The following FOXO1 variants were observed in gnomAD, a reference collection of about 807,000 sequenced individuals.
FOXO1 encodes the protein forkhead box O1, also known as forkhead box protein O1.
Under a neutral mutation model 44.1 loss-of-function variants are expected in FOXO1, and 6 were observed. The ratio of observed to expected loss-of-function variants is 0.14; its 90% CI spans 0.07 to 0.27. The LOEUF is 0.27. Ranked by LOEUF, FOXO1 falls within the 10% of genes least tolerant of loss-of-function variation. The pLI, the probability that FOXO1 is intolerant of heterozygous loss-of-function variation, is 1.00. For missense variants in FOXO1, 737 were observed against 888.8 expected (o/e 0.83, Z 2.17); for synonymous variants, 380 against 362.7 (o/e 1.05, Z -0.54).
chr13:40,654,450 G>A (rs1264844369), intron 1 of FOXO1, among the ~76,000 whole-genome samples: 2 of 146,976 alleles, frequency 1.4e-5, no homozygotes, highest in African/African-American at 2.5e-5. Context: ...GCAGTGAACC[G>A]AGATGGTGTC....
At chr13:40,567,482 T>G (rs189075551) in intron 1 of FOXO1, among the ~76,000 whole-genome samples, 103 of 152,158 alleles carry the variant, frequency 6.8e-4, no homozygotes, top group Non-Finnish European at 9.7e-4. Flanking sequence ...CAGTTAGGGT[T>G]CAAAGCAAAG....
chr13:40,573,639 T>C (rs140569584), intron 1 of FOXO1, among the ~76,000 whole-genome samples: 64 of 152,344 alleles, frequency 4.2e-4, no homozygotes, highest in African/African-American at 1.3e-3. Context: ...ATGGATGATA[T>C]TGTTGTCATA....
chr13:40,601,039 C>T (rs1052301419), intron 1 of FOXO1, among the ~76,000 whole-genome samples: 3 of 152,136 alleles, frequency 2.0e-5, no homozygotes, highest in African/African-American at 4.8e-5. Context: ...ACTGGTCTGT[C>T]GAAAACCATC....
At chr13:40,606,162 C>T (rs574155384) in intron 1 of FOXO1, among the ~76,000 whole-genome samples, 1 of 152,294 alleles carries the variant, frequency 6.6e-6, no homozygotes, top group South Asian at 2.1e-4. Flanking sequence ...TTAAACCTAT[C>T]AAGTTGACAG....
intron 1 of FOXO1, among the ~76,000 whole-genome samples, chr13:40,603,543 C>T (rs1425915497): frequency 6.6e-6 from 1 of 152,020 alleles, no homozygotes; most frequent in Non-Finnish European, 1.5e-5. Flanking sequence ...GTACAGCAAA[C>T]CTTTGAACCA....
chr13:40,620,665 G>A (rs1439783965), intron 1 of FOXO1, among the ~76,000 whole-genome samples: 2 of 152,096 alleles, frequency 1.3e-5, no homozygotes, highest in African/African-American at 4.8e-5. Flanking sequence ...GCAGGCCCAA[G>A]GAGACAGCAC....
chr13:40,579,350 C>T (rs1874876959), intron 1 of FOXO1, among the ~76,000 whole-genome samples: 1 of 152,196 alleles, frequency 6.6e-6, no homozygotes, highest in Admixed American at 6.5e-5. Flanking sequence ...CCAGACAATC[C>T]ACGCCAGGTC....
In FOXO1 at chr13:40,559,784, G is replaced by A. The variant is rs1224871472; in HGVS notation, c.1707C>T (p.Pro569=). ...KTPVQVPLPH[P]MQMSALGGYS... ...AGCCCCCCAGGGCACTCATCTGCAT[G>A]GGGTGGGGCAGAGGCACTTGTACAG... The change falls in exon 2 of 3, where the codon CCC becomes CCT. Residue 569 remains proline, a synonymous_variant. Transcript: ENST00000379561. 1 of 1,613,652 alleles carries A rather than the reference G, an allele frequency of 6.2e-7. No homozygotes were observed. Among genetic ancestry groups the A allele is most frequent in the African/African-American group, 1.3e-5 (1 of 75,044 alleles).
rs1300805507 is a variant in FOXO1 at position 40,619,806 on chromosome 13, T to C, written c.630+45777A>G. ...CCAGAGCTAGTGCTTCACGCACTAA[T>C]TTCAGTAGTCACACAAACCAGTCGG... On this transcript the variant is annotated intron_variant, in intron 1 of 2. Coordinates refer to ENST00000379561, the MANE Select transcript of FOXO1 (RefSeq NM_002015.4). 6 of 776,238 alleles carry C rather than the reference T, an allele frequency of 7.7e-6. No individual in the cohort carries two copies. In the East Asian group the frequency reaches 1.5e-4, roughly 19 times the overall value. 48.1% of individuals were successfully genotyped at this position (776,238 alleles called of 1,614,324 possible).
At chr13:40,581,046 A>G (rs1402210196) in intron 1 of FOXO1, among the ~76,000 whole-genome samples, 2 of 152,216 alleles carry the variant, frequency 1.3e-5, no homozygotes, top group Admixed American at 1.3e-4. Flanking sequence ...GAGTTGAGAT[A>G]AGTAAGAAAA....
intron 1 of FOXO1, chr13:40,618,893 C>A: frequency 1.9e-6 from 1 of 525,996 alleles, no homozygotes; most frequent in Non-Finnish European, 3.8e-6. Flanking sequence ...ATGAGAGGAC[C>A]ATAATCTTTT....
At chr13:40,610,179 A>AG (rs1395530605) in intron 1 of FOXO1, among the ~76,000 whole-genome samples, 1 of 152,170 alleles carries the variant, frequency 6.6e-6, no homozygotes, top group Non-Finnish European at 1.5e-5. Flanking sequence ...TTATTAACTA[A>AG]GGACATCCGG....
chr13:40,613,354 C>A (rs552890225), intron 1 of FOXO1, among the ~76,000 whole-genome samples: 1 of 152,050 alleles, frequency 6.6e-6, no homozygotes, highest in Non-Finnish European at 1.5e-5. Context: ...CAAGAGGGCT[C>A]CTCCCTTTAC....
intron 1 of FOXO1, among the ~76,000 whole-genome samples, chr13:40,644,998 C>T (rs891784668): frequency 6.6e-6 from 1 of 152,130 alleles, no homozygotes; most frequent in Non-Finnish European, 1.5e-5. Flanking sequence ...GCGACAGAGT[C>T]GAGACAACAC....
At chr13:40,593,322 C>T (rs1268354078) in intron 1 of FOXO1, among the ~76,000 whole-genome samples, 2 of 152,140 alleles carry the variant, frequency 1.3e-5, no homozygotes, top group African/African-American at 4.8e-5. Flanking sequence ...GCCACCGTGT[C>T]CAGCCTAAGG....
chr13:40,585,548 A>T (rs575563767), intron 1 of FOXO1, among the ~76,000 whole-genome samples: 20 of 152,350 alleles, frequency 1.3e-4, no homozygotes, highest in Non-Finnish European at 1.8e-4. Context: ...TCAAACATTG[A>T]TAACACCTAA....
intron 1 of FOXO1, among the ~76,000 whole-genome samples, chr13:40,650,127 T>C (rs1877632219): frequency 6.8e-6 from 1 of 148,138 alleles, no homozygotes. Context: ...AGGGGTGGAT[T>C]ATTCATGCCT....
At chr13:40,564,051 T>C (rs1336716353) in intron 1 of FOXO1, among the ~76,000 whole-genome samples, 1 of 152,142 alleles carries the variant, frequency 6.6e-6, no homozygotes, top group Non-Finnish European at 1.5e-5. Context: ...TCACATTTAG[T>C]TAATGATAAA....
chr13:40,569,028 C>T (rs1874379542), intron 1 of FOXO1, among the ~76,000 whole-genome samples: 1 of 152,182 alleles, frequency 6.6e-6, no homozygotes, highest in Admixed American at 6.5e-5. Context: ...CTAGCCAAGC[C>T]AATCCTTACC....
Sources: allele counts gnomAD v4.1 joint callset (sites outside exome capture counted in the v4.1 genomes callset), GRCh38; gene constraint gnomAD v4.1.1; transcripts MANE v1.5; gene names NCBI Gene and HGNC (gene_info 2026-07-23, HGNC 2026-07-21).